DPP6: variants seen among roughly 807,000 people sequenced by gnomAD.
DPP6 encodes A-type potassium channel modulatory protein DPP6.
DPP6 carries 69 observed loss-of-function variants against 122.6 expected under a neutral mutation model. The ratio of observed to expected loss-of-function variants is 0.56; its 90% CI spans 0.46 to 0.69. DPP6 has a LOEUF of 0.69. DPP6 is among the 30% of genes least tolerant of loss of function. The probability of loss-of-function intolerance (pLI) is 0.00; values close to 1 mark genes in which losing one functional copy is unlikely to be tolerated. For synonymous variants in DPP6, 418 were observed against 433.1 expected, an observed-to-expected ratio of 0.97 and a Z score of 0.43; for missense variants, 928 against 1,116.9, an observed-to-expected ratio of 0.83 and a Z score of 2.41.
rs1021445686 is a variant in DPP6, at chr7:154,241,571, A to G, written c.243+188508A>G. Among the ~76,000 whole-genome samples, 10 of 152,066 alleles carry G rather than the reference A, an allele frequency of 6.6e-5. No homozygotes were observed. Among genetic ancestry groups the G allele is most frequent in the Admixed American group, 6.6e-4 (10 of 15,258 alleles). The stretch of plus-strand genomic sequence containing the variant: ...TGAGACCCTGTCTCAAAACAAAACA[A>G]AAAAAAGATCCAATTCCATCCCCAT... On this transcript the variant is annotated intron_variant, in intron 1 of 25. Transcript: ENST00000377770. The surrounding 1 kb of genome is among the most constrained non-coding windows in gnomAD (Gnocchi z 9.0).
At chr7:154,688,200 GT>G (rs1436797086) in intron 7 of DPP6, among the ~76,000 whole-genome samples, 1 of 152,206 alleles carries the variant, frequency 6.6e-6, no homozygotes, top group African/African-American at 2.4e-5. Flanking sequence ...TTTAGAATAA[GT>G]TTGTTCAGTT....
chr7:153,928,398 T>TTTTTTTTTTTTTTTTC, intron 1 of DPP6, among the ~76,000 whole-genome samples: 1 of 38,984 alleles, frequency 2.6e-5, no homozygotes, highest in Non-Finnish European at 4.7e-5. Flanking sequence ...TTTCTTTCAT[T>TTTTTTTTTTTTTTTTC]TTTTTTTTTT....
At chr7:154,442,471 G>T (rs1184661869) in intron 1 of DPP6, among the ~76,000 whole-genome samples, 3 of 151,962 alleles carry the variant, frequency 2.0e-5, no homozygotes, top group East Asian at 1.9e-4. Flanking sequence ...GAATGCAAAG[G>T]GATTTGCCTG....
intron 20 of DPP6, among the ~76,000 whole-genome samples, chr7:154,878,328 C>T (rs965169274): frequency 6.6e-6 from 1 of 152,210 alleles, no homozygotes; most frequent in Admixed American, 6.5e-5. Flanking sequence ...TGTTCCAAAA[C>T]AAGGCAGAAC....
intron 1 of DPP6, among the ~76,000 whole-genome samples, chr7:154,134,513 C>T (rs952118895): frequency 6.6e-5 from 10 of 152,132 alleles, no homozygotes; most frequent in East Asian, 1.9e-4. Flanking sequence ...GGCTCCCTCC[C>T]GTCCCAGCAC....
At chr7:154,086,385 C>A (rs1308417752) in intron 1 of DPP6, among the ~76,000 whole-genome samples, 1 of 147,938 alleles carries the variant, frequency 6.8e-6, no homozygotes, top group Non-Finnish European at 1.5e-5. Context: ...CTGGCCCTGA[C>A]ACAGGACTGA....
rs141110500 is a variant in DPP6, at chr7:153,986,262, C to A, written c.51+98528C>A. Among the ~76,000 whole-genome samples the A allele has an allele frequency of 3.9e-3, 598 of 152,084 alleles. 3 individuals carry two copies. Among genetic ancestry groups the A allele is most frequent in the African/African-American group, 0.014 (563 of 41,484 alleles). On this transcript the variant is annotated intron_variant, in intron 1 of 25. Coordinates refer to the DPP6 transcript ENST00000404039. ...AATTGCTTTTTAACACATTTCATGC[C>A]ATCATGTCTTCCTTGGAAATTTTCA...
chr7:153,923,114 A>G (rs1800717997), intron 1 of DPP6, among the ~76,000 whole-genome samples: 1 of 152,258 alleles, frequency 6.6e-6, no homozygotes, highest in Non-Finnish European at 1.5e-5. Context: ...AGCTGCCGCC[A>G]AACAGCCAGG....
At chr7:153,884,716 C>A (rs560741469), upstream of DPP6, among the ~76,000 whole-genome samples, 2 of 152,032 alleles carry the variant, frequency 1.3e-5, no homozygotes, top group Non-Finnish European at 2.9e-5. Flanking sequence ...CAGTGGCTCA[C>A]GCCTGTAATT....
At chr7:154,293,721 G>C (rs1470832448) in intron 1 of DPP6, among the ~76,000 whole-genome samples, 3 of 152,186 alleles carry the variant, frequency 2.0e-5, no homozygotes, top group African/African-American at 4.8e-5. Flanking sequence ...GAGAAGCTCT[G>C]TGTGTTGCAA....
At chr7:154,679,876 A>C (rs547221897) in intron 7 of DPP6, among the ~76,000 whole-genome samples, 12 of 152,180 alleles carry the variant, frequency 7.9e-5, no homozygotes, top group Non-Finnish European at 1.8e-4. Flanking sequence ...GTGATTTGTT[A>C]GCACTACCAA....
intron 1 of DPP6, among the ~76,000 whole-genome samples, chr7:153,966,183 T>C (rs1413836202): frequency 7.4e-6 from 1 of 135,258 alleles, no homozygotes; most frequent in Non-Finnish European, 1.6e-5. Flanking sequence ...TGGAGAATCT[T>C]TCACATTGTG....
intron 7 of DPP6, among the ~76,000 whole-genome samples, chr7:154,711,053 TAGAG>T (rs1841147878): frequency 6.6e-6 from 1 of 152,208 alleles, no homozygotes; most frequent in South Asian, 2.1e-4. Context: ...AGCCGTGGAA[TAGAG>T]AGAGAAATGC....
At chr7:154,747,010 A>C (rs1843066218) in intron 8 of DPP6, among the ~76,000 whole-genome samples, 1 of 152,234 alleles carries the variant, frequency 6.6e-6, no homozygotes. Context: ...AGTTACAATC[A>C]TGCAGGATCA....
chr7:154,386,454 C>T (rs1264619342), intron 1 of DPP6, among the ~76,000 whole-genome samples: 1 of 151,976 alleles, frequency 6.6e-6, no homozygotes, highest in Non-Finnish European at 1.5e-5. Flanking sequence ...AGGGGGCATT[C>T]CTTGCAGTGG....
chr7:154,509,445 C>G (rs1004968669), intron 3 of DPP6, among the ~76,000 whole-genome samples: 1 of 152,166 alleles, frequency 6.6e-6, no homozygotes, highest in African/African-American at 2.4e-5. Context: ...CTCCCCTCTT[C>G]CTAGAATGGC....
At position 154,603,103 on chromosome 7, in the gene DPP6, A is replaced by T. The variant is rs1201650856; in HGVS notation, c.628-34718A>T. Among the ~76,000 whole-genome samples the T allele has an allele frequency of 1.7e-5, 2 of 119,702 alleles. 1 individual carries two copies. Among genetic ancestry groups the T allele is most frequent in the Non-Finnish European group, 3.8e-5 (2 of 53,276 alleles). The allele number at this position is 119,702 out of a possible 152,430, so 78.5% of individuals were successfully genotyped here. A position where few individuals can be genotyped will look rare whatever the true frequency, so the allele number is the denominator to read the frequency against. On this transcript the variant is annotated intron_variant, in intron 5 of 25. Transcript: ENST00000377770. Reference sequence around the variant, plus strand: ...AGTTTCTGAGGGGAACTCTATTACCATTCTCATCTTTTTTTCCTTTGTGTA... The same window carrying T: ...AGTTTCTGAGGGGAACTCTATTACCTTTCTCATCTTTTTTTCCTTTGTGTA...
At chr7:154,377,249 A>C (rs545678621) in intron 1 of DPP6, among the ~76,000 whole-genome samples, 5 of 152,328 alleles carry the variant, frequency 3.3e-5, no homozygotes, top group African/African-American at 1.2e-4. Context: ...GAAATGTTCC[A>C]AGAAGAGGGA....
intron 1 of DPP6, among the ~76,000 whole-genome samples, chr7:154,161,039 A>G (rs1056539501): frequency 1.3e-5 from 2 of 152,202 alleles, no homozygotes; most frequent in Non-Finnish European, 2.9e-5. Context: ...GGAGGCTCCC[A>G]CAAGTGCAGC....
Sources: gnomAD v4.1 joint callset for allele counts (sites outside exome capture counted in the v4.1 genomes callset) on GRCh38, gnomAD v4.1.1 for gene constraint, Gnocchi (gnomAD v3.1) non-coding constraint, MANE v1.5 for transcripts, NCBI Gene and HGNC (gene_info 2026-07-23, HGNC 2026-07-21) for gene names.